CEP112: variants seen among roughly 807,000 people sequenced by gnomAD.
CEP112 encodes the protein centrosomal protein of 112 kDa.
CEP112 carries 127 observed loss-of-function variants against 153.0 expected under a neutral mutation model. That is an observed-to-expected ratio of 0.83 (90% confidence interval 0.72 to 0.96). The LOEUF (loss-of-function observed/expected upper bound fraction) is 0.96, where lower values mean the gene tolerates loss of function less well. Among genes scored for constraint, CEP112 ranks in the 40% least tolerant of loss-of-function variants. CEP112 has a pLI of 0.00. For missense variants in CEP112, 1,089 were observed against 1,101.2 expected, an observed-to-expected ratio of 0.99 and a Z score of 0.16; for synonymous variants, 358 against 374.4, an observed-to-expected ratio of 0.96 and a Z score of 0.51.
chr17:66,028,453 C>A (rs192075500), intron 14 of CEP112, 48 bp from the exon 15 acceptor site: 5 of 1,038,606 alleles, frequency 4.8e-6, no homozygotes, highest in Admixed American at 4.6e-5. Context: ...GATTTTTGTA[C>A]CATATTATAC....
At chr17:65,867,566 T>C (rs1313895016) in intron 20 of CEP112, among the ~76,000 whole-genome samples, 5 of 152,200 alleles carry the variant, frequency 3.3e-5, no homozygotes, top group East Asian at 1.9e-4. Context: ...GTTTAAGAGA[T>C]TGGGGTTAAT....
In CEP112 at chr17:66,092,335, C is replaced by T. The variant is rs865779456; in HGVS notation, c.768+3916G>A. On this transcript the variant is annotated intron_variant, in intron 8 of 26. Transcript: ENST00000535342. ...GATTACAGGTGTGAGCCACCGAGTC[C>T]GGCCTTGAAGCATTAATTTAAACAC... Among the ~76,000 whole-genome samples, 14 of 138,284 alleles carry T rather than the reference C, an allele frequency of 1.0e-4. 1 individual carries two copies. In the Middle Eastern group the frequency reaches 0.016, roughly 156 times the overall value. 90.7% of individuals were successfully genotyped at this position (138,284 alleles called of 152,430 possible).
At chr17:66,053,157 G>GA (rs1252026064) in intron 12 of CEP112, among the ~76,000 whole-genome samples, 55 of 146,380 alleles carry the variant, frequency 3.8e-4, no homozygotes, top group African/African-American at 9.3e-4. Flanking sequence ...AAAGTCAATG[G>GA]AAAAAAAAAC....
At chr17:65,922,027 T>C (rs999005130) in intron 19 of CEP112, among the ~76,000 whole-genome samples, 7 of 152,148 alleles carry the variant, frequency 4.6e-5, no homozygotes, top group African/African-American at 1.7e-4. Flanking sequence ...TCAGAGGGTG[T>C]AAGCGTTTTT....
chr17:66,143,575 T>C (rs560976353), intron 4 of CEP112, among the ~76,000 whole-genome samples: 3 of 152,344 alleles, frequency 2.0e-5, no homozygotes, highest in African/African-American at 7.2e-5. Context: ...AATTCGTGAA[T>C]ACGGTGTTTG....
intron 23 of CEP112, among the ~76,000 whole-genome samples, chr17:65,695,128 G>T (rs762324079): frequency 1.3e-5 from 2 of 152,066 alleles, no homozygotes; most frequent in Non-Finnish European, 2.9e-5. Flanking sequence ...CTGCTGGTCG[G>T]GAATAAAGAA....
chr17:66,077,445 A>G (rs531747395), intron 8 of CEP112, among the ~76,000 whole-genome samples: 1 of 152,322 alleles, frequency 6.6e-6, no homozygotes, highest in South Asian at 2.1e-4. Flanking sequence ...AGAATTGAAC[A>G]AAAAGAAGAA....
chr17:65,969,833 A>G (rs1229924240), intron 17 of CEP112, among the ~76,000 whole-genome samples: 3 of 122,704 alleles, frequency 2.4e-5, no homozygotes, highest in Admixed American at 1.0e-4. Context: ...TATTACAAGC[A>G]TATCATCTAT....
At chr17:65,669,903 GAA>G (rs11346097) in intron 24 of CEP112, among the ~76,000 whole-genome samples, 335 of 126,558 alleles carry the variant, frequency 2.6e-3, no homozygotes, top group African/African-American at 6.5e-3. Flanking sequence ...ACTTCGTCTT[GAA>G]AAAAAAAAAA....
intron 24 of CEP112, among the ~76,000 whole-genome samples, chr17:65,661,139 T>A (rs2046366319): frequency 6.6e-6 from 1 of 152,182 alleles, no homozygotes; most frequent in Non-Finnish European, 1.5e-5. Context: ...TGTCATGTTG[T>A]GACTCATGCC....
chr17:65,905,308 C>T (rs2060028167), intron 19 of CEP112, among the ~76,000 whole-genome samples: 1 of 152,148 alleles, frequency 6.6e-6, no homozygotes, highest in African/African-American at 2.4e-5. Context: ...ACAGACACTT[C>T]TCAAAAAAAG....
intron 21 of CEP112, among the ~76,000 whole-genome samples, chr17:65,768,599 C>T (rs1479434842): frequency 6.6e-6 from 1 of 152,074 alleles, no homozygotes; most frequent in Non-Finnish European, 1.5e-5. Context: ...CACATCAATA[C>T]ATCGTGATTA....
intron 19 of CEP112, among the ~76,000 whole-genome samples, chr17:65,919,635 T>C (rs1477529009): frequency 2.0e-5 from 3 of 152,048 alleles, no homozygotes; most frequent in Non-Finnish European, 4.4e-5. Context: ...ATCAGGCAGA[T>C]GAACAGAAAG....
intron 23 of CEP112, among the ~76,000 whole-genome samples, chr17:65,721,014 T>C (rs1276391936): frequency 4.8e-3 from 707 of 148,810 alleles, no homozygotes; most frequent in African/African-American, 0.016. Context: ...TCTCTCTTTT[T>C]TTTTTTTTTT....
chr17:66,001,202 C>A (rs1031794525), intron 17 of CEP112, among the ~76,000 whole-genome samples: 1 of 152,172 alleles, frequency 6.6e-6, no homozygotes, highest in Non-Finnish European at 1.5e-5. Flanking sequence ...GGCAGCAAAC[C>A]AGTGTGGTCT....
chr17:65,864,137 C>CA (rs71160507), intron 20 of CEP112, among the ~76,000 whole-genome samples: 7,387 of 137,098 alleles, frequency 0.054, 313 homozygotes, highest in South Asian at 0.12. Context: ...TGAGACTCCT[C>CA]AAAAAAAAAA....
chr17:65,909,396 AC>A (rs2060199186), intron 19 of CEP112, among the ~76,000 whole-genome samples: 1 of 152,212 alleles, frequency 6.6e-6, no homozygotes, highest in African/African-American at 2.4e-5. Flanking sequence ...TATTTGTCCT[AC>A]AACTCAATGA....
chr17:65,966,080 C>T (rs539932769), intron 17 of CEP112, among the ~76,000 whole-genome samples: 5 of 151,878 alleles, frequency 3.3e-5, no homozygotes, highest in East Asian at 1.9e-4. Context: ...CAAGTAGAAA[C>T]GCATCACTCA....
At chr17:66,112,183 C>T (rs1224586650) in intron 6 of CEP112, among the ~76,000 whole-genome samples, 2 of 151,550 alleles carry the variant, frequency 1.3e-5, no homozygotes, top group Non-Finnish European at 2.9e-5. Context: ...CCCAGCTACT[C>T]GGGAGGCTGA....
Sources: gnomAD v4.1 joint callset for allele counts (sites outside exome capture counted in the v4.1 genomes callset) on GRCh38, gnomAD v4.1.1 for gene constraint, MANE v1.5 for transcripts, NCBI Gene and HGNC (gene_info 2026-07-23, HGNC 2026-07-21) for gene names.